SYT11: variants seen among roughly 807,000 people sequenced by gnomAD.
The protein encoded by SYT11 is synaptotagmin 11, also known as synaptotagmin-11.
In SYT11, 12 loss-of-function variants were observed where a neutral mutation model predicts 30.4. That is an observed-to-expected ratio of 0.39 (90% CI 0.25 to 0.64). SYT11 has a LOEUF of 0.64. Ranked by LOEUF, SYT11 falls within the 30% of genes least tolerant of loss-of-function variation. SYT11 has a pLI of 0.45. For missense variants in SYT11, 412 were observed against 552.0 expected (o/e 0.75, Z 2.54); for synonymous variants, 204 against 216.0 (o/e 0.94, Z 0.49).
At chr1:155,871,841 T>C (rs1002214675) in intron 2 of SYT11, among the ~76,000 whole-genome samples, 1 of 152,152 alleles carries the variant, frequency 6.6e-6, no homozygotes, top group African/African-American at 2.4e-5. Context: ...GCCATGGCTG[T>C]CATCTCCCTA....
At chr1:155,876,535 T>C (rs951735036) in intron 2 of SYT11, among the ~76,000 whole-genome samples, 60 of 151,834 alleles carry the variant, frequency 4.0e-4, no homozygotes, top group African/African-American at 1.4e-3. Context: ...CGTGAGCCAC[T>C]GCACCCGGCC....
intron 1 of SYT11, among the ~76,000 whole-genome samples, chr1:155,865,791 C>T (rs975904859): frequency 3.9e-5 from 6 of 151,928 alleles, no homozygotes; most frequent in African/African-American, 1.5e-4. Flanking sequence ...GATCCTCTTA[C>T]CTTGGCCTCC....
At chr1:155,876,639 C>CCCTA (rs1409495730) in intron 2 of SYT11, among the ~76,000 whole-genome samples, 2 of 152,106 alleles carry the variant, frequency 1.3e-5, no homozygotes, top group African/African-American at 4.8e-5. Context: ...CCTCCCTCTT[C>CCCTA]CCTACGCTTC....
rs1672553524 is a variant in SYT11 at position 155,860,708 on chromosome 1, TG to T, written c.34+914del. Among the ~76,000 whole-genome samples the T allele has an allele frequency of 6.6e-6, 1 of 152,180 alleles. No individual in the cohort carries two copies. Among genetic ancestry groups the T allele is most frequent in the South Asian group, 2.1e-4 (1 of 4,820 alleles). On this transcript the variant is annotated intron_variant, in intron 1 of 3. Coordinates refer to ENST00000368324, the MANE Select transcript of SYT11 (RefSeq NM_152280.5). This position sits in a 1 kb window ranked among gnomAD's most constrained non-coding sequence, Gnocchi z 4.1. ...GAGCGGCTGGTCCCCGACCCAGCCC[TG>T]TGGGCTCCAAGATTAGTTTTACACT...
Position 155,881,232 on chromosome 1 carries a change from A to C in SYT11, c.1020A>C (p.Arg340Ser). 1 of 1,614,206 alleles carries C rather than the reference A, an allele frequency of 6.2e-7. No individual in the cohort carries two copies. The highest frequency in any genetic ancestry group is 8.5e-7 in the Non-Finnish European group (1 of 1,180,046). Reference sequence around the variant, plus strand: ...TCAAGGTGAACGTCTACTACGGCAGAAAGCGCATTGCCAAGAAGAAAACCC... The same window carrying C: ...TCAAGGTGAACGTCTACTACGGCAGCAAGCGCATTGCCAAGAAGAAAACCC... The part of the protein sequence containing the change: ...PYVKVNVYYG[R>S]KRIAKKKTHV... The change falls in exon 4 of 4, where the codon AGA becomes AGC. Residue 340 changes from arginine (R) to serine (S), a missense_variant. Arg to Ser is a moderately radical substitution (Grantham distance 110). Coordinates refer to ENST00000368324, the MANE Select transcript of SYT11 (RefSeq NM_152280.5).
intron 1 of SYT11, among the ~76,000 whole-genome samples, chr1:155,866,116 C>CTTTTTTTTTTTT (rs11419325): frequency 8.1e-6 from 1 of 123,276 alleles, no homozygotes; most frequent in Non-Finnish European, 1.6e-5. Flanking sequence ...TTTTTTTTTT[C>CTTTTTTTTTTTT]TTTTTTTTTT....
At chr1:155,872,307 T>A (rs1335992213) in intron 2 of SYT11, among the ~76,000 whole-genome samples, 1 of 152,150 alleles carries the variant, frequency 6.6e-6, no homozygotes, top group East Asian at 1.9e-4. Flanking sequence ...TTCCCATGGT[T>A]GTGATTTAGG....
chr1:155,877,348 C>A (rs1427077363), intron 2 of SYT11, among the ~76,000 whole-genome samples: 1 of 151,916 alleles, frequency 6.6e-6, no homozygotes, highest in Non-Finnish European at 1.5e-5. Context: ...AGGTGATCCA[C>A]CTGCCTTGAC....
intron 1 of SYT11, among the ~76,000 whole-genome samples, chr1:155,865,709 G>C (rs984802573): frequency 2.0e-5 from 3 of 149,814 alleles, no homozygotes; most frequent in African/African-American, 7.4e-5. Context: ...TTTTTTCCTC[G>C]CTCTGTTGCC....
At position 155,881,188 on chromosome 1, in the gene SYT11, G is replaced by A; in HGVS notation, c.986-10G>A. On this transcript the variant is annotated splice_polypyrimidine_tract_variant and intron_variant, in intron 3 of 3. Transcript: ENST00000368324. Reference sequence around the variant, plus strand: ...TGTCTCCCTTTTTCTTATCTCTTTGGGGGCCCCAGATCCTTATGTCAAGGT... The same window carrying A: ...TGTCTCCCTTTTTCTTATCTCTTTGAGGGCCCCAGATCCTTATGTCAAGGT... 6.2e-7 allele frequency: 1 copy of A among 1,606,858 alleles called. No individual in the cohort carries two copies. The highest frequency in any genetic ancestry group is 1.3e-5 in the African/African-American group (1 of 74,642).
Position 155,868,272 on chromosome 1 carries a change from C to T in SYT11, c.342C>T (p.Ser114=). The part of the protein sequence containing the change: ...LSRDKDPRGP[S]SGSCIDQLPI... Reference sequence around the variant, plus strand: ...GAGACAAAGATCCCAGGGGGCCTAGCTCTGGATCTTGTATAGACCAATTAC... The same window carrying T: ...GAGACAAAGATCCCAGGGGGCCTAGTTCTGGATCTTGTATAGACCAATTAC... Residue 114 remains serine, a synonymous_variant, in exon 2 of 4, where the codon AGC becomes AGT. Transcript: ENST00000368324. The surrounding 1 kb of genome is among the most constrained non-coding windows in gnomAD (Gnocchi z 4.7). 1 of 1,614,048 alleles carries T rather than the reference C, an allele frequency of 6.2e-7. No individual in the cohort carries two copies. The highest frequency in any genetic ancestry group is 1.1e-5 in the South Asian group (1 of 91,068).
intron 2 of SYT11, among the ~76,000 whole-genome samples, chr1:155,876,507 A>G (rs1035286486): frequency 1.3e-5 from 2 of 151,606 alleles, no homozygotes; most frequent in Admixed American, 1.3e-4. Context: ...CGGCCTCCCA[A>G]AGTGCTGTGA....
At position 155,868,152 on chromosome 1, in the gene SYT11, A is replaced by G; in HGVS notation, c.222A>G (p.Lys74=). 1 of 1,613,972 alleles carries G rather than the reference A, an allele frequency of 6.2e-7. No individual in the cohort carries two copies. The highest frequency in any genetic ancestry group is 8.5e-7 in the Non-Finnish European group (1 of 1,179,978). ...CAGAGACCCTCAGCAACAAGAAGAA[A>G]ATCATCAAAGTGCGGAGAGACAAAG... ...IYPETLSNKK[K]IIKVRRDKDG... is the part of the protein sequence containing the mutation. Residue 74 remains lysine, a synonymous_variant, in exon 2 of 4, where the codon AAA becomes AAG. Transcript: ENST00000368324. This position sits in a 1 kb window ranked among gnomAD's most constrained non-coding sequence, Gnocchi z 4.7.
chr1:155,876,235 CTTTTTTTTT>C (rs67952920), intron 2 of SYT11, among the ~76,000 whole-genome samples: 2 of 96,118 alleles, frequency 2.1e-5, no homozygotes, highest in African/African-American at 4.0e-5. Context: ...ACTCACCTCC[CTTTTTTTTT>C]TTTTTTTTTT....
chr1:155,866,665 G>A (rs1184159013), intron 1 of SYT11, among the ~76,000 whole-genome samples: 2 of 151,886 alleles, frequency 1.3e-5, no homozygotes, highest in South Asian at 4.1e-4. Flanking sequence ...GAGAATGACG[G>A]CATGTTGAAA....
At chr1:155,875,991 A>G (rs1672852957) in intron 2 of SYT11, among the ~76,000 whole-genome samples, 1 of 152,184 alleles carries the variant, frequency 6.6e-6, no homozygotes, top group Non-Finnish European at 1.5e-5. Context: ...CCATCTTTTC[A>G]GCCCTAGCTT....
At chr1:155,870,542 A>C (rs1436608695) in intron 2 of SYT11, among the ~76,000 whole-genome samples, 1 of 152,252 alleles carries the variant, frequency 6.6e-6, no homozygotes, top group African/African-American at 2.4e-5. Flanking sequence ...CACATCTCCC[A>C]GAAAGAGCTC....
At position 155,868,444 on chromosome 1, in the gene SYT11, A is replaced by G; in HGVS notation, c.514A>G (p.Lys172Glu). Residue 172 changes from lysine to glutamate, a missense_variant, in exon 2 of 4, where the codon AAA becomes GAA. Coordinates refer to ENST00000368324, the MANE Select transcript of SYT11 (RefSeq NM_152280.5). The surrounding 1 kb of genome is among the most constrained non-coding windows in gnomAD (Gnocchi z 4.7). ...TFSVDYNFPKKALVVTIQEAH... is the reference protein window; with the variant it reads ...TFSVDYNFPKEALVVTIQEAH... ...CTCAGTGGACTATAACTTCCCGAAA[A>G]AAGCCCTGGTGGTGACAATCCAGGA... 1 of 1,614,074 alleles carries G rather than the reference A, an allele frequency of 6.2e-7. No homozygotes were observed.
intron 1 of SYT11, among the ~76,000 whole-genome samples, chr1:155,864,981 G>T (rs1228374545): frequency 2.0e-5 from 3 of 152,048 alleles, no homozygotes; most frequent in Non-Finnish European, 4.4e-5. Context: ...AAAGTGCTGG[G>T]ATTACAGGCA....
Sources: allele counts gnomAD v4.1 joint callset (sites outside exome capture counted in the v4.1 genomes callset), GRCh38; gene constraint gnomAD v4.1.1; non-coding constraint Gnocchi (gnomAD v3.1); transcripts MANE v1.5; gene names NCBI Gene and HGNC (gene_info 2026-07-23, HGNC 2026-07-21).